TMEM117: variants seen among roughly 807,000 people sequenced by gnomAD.
TMEM117 encodes transmembrane protein 117.
In TMEM117, 27 loss-of-function variants were observed where a neutral mutation model predicts 52.4. The observed-to-expected ratio is 0.51, with a 90% confidence interval of 0.38 to 0.71. The LOEUF (loss-of-function observed/expected upper bound fraction) is 0.71. Among genes scored for constraint, TMEM117 ranks in the 30% least tolerant of loss-of-function variants. The probability of loss-of-function intolerance (pLI) is 0.00; values close to 1 mark genes in which losing one functional copy is unlikely to be tolerated. For missense variants in TMEM117, 556 were observed against 630.5 expected (o/e 0.88, Z 1.26); for synonymous variants, 215 against 206.3 (o/e 1.04, Z -0.36).
intron 5 of TMEM117, among the ~76,000 whole-genome samples, chr12:44,275,768 T>G (rs576457835): frequency 6.6e-6 from 1 of 151,250 alleles, no homozygotes; most frequent in East Asian, 1.9e-4. Flanking sequence ...CTCATGGACA[T>G]AGAGAGTAGA....
At chr12:43,964,278 C>G (rs1187747680) in intron 3 of TMEM117, among the ~76,000 whole-genome samples, 1 of 152,014 alleles carries the variant, frequency 6.6e-6, no homozygotes, top group African/African-American at 2.4e-5. Context: ...TTGGCTCCAC[C>G]CAAGCACAAG....
chr12:44,044,546 G>C (rs944408531), intron 3 of TMEM117, among the ~76,000 whole-genome samples: 1 of 152,192 alleles, frequency 6.6e-6, no homozygotes, highest in South Asian at 2.1e-4. Flanking sequence ...GCACAAGTAA[G>C]TTACATGAGG....
chr12:43,935,666 C>T (rs1944940431), intron 2 of TMEM117, among the ~76,000 whole-genome samples: 1 of 152,188 alleles, frequency 6.6e-6, no homozygotes, highest in Admixed American at 6.5e-5. Context: ...TCTTAAAAGT[C>T]ATGTAATCCA....
chr12:44,154,465 A>G (rs989567300), intron 4 of TMEM117, among the ~76,000 whole-genome samples: 1 of 152,076 alleles, frequency 6.6e-6, no homozygotes, highest in African/African-American at 2.4e-5. Flanking sequence ...ATCTGTTTTC[A>G]TTGAAAGAAC....
At chr12:44,367,115 C>A (rs1161738008) in intron 6 of TMEM117, among the ~76,000 whole-genome samples, 2 of 152,136 alleles carry the variant, frequency 1.3e-5, no homozygotes, top group East Asian at 3.9e-4. Flanking sequence ...TTTATGCTAA[C>A]AAAATTATTT....
At chr12:43,952,835 G>T (rs140389097) in intron 3 of TMEM117, among the ~76,000 whole-genome samples, 1 of 152,038 alleles carries the variant, frequency 6.6e-6, no homozygotes, top group East Asian at 1.9e-4. Flanking sequence ...TCCAAGACAC[G>T]TAATCACCAG....
At chr12:44,090,773 A>AT (rs1947653483) in intron 3 of TMEM117, among the ~76,000 whole-genome samples, 1 of 149,840 alleles carries the variant, frequency 6.7e-6, no homozygotes, top group South Asian at 2.1e-4. Flanking sequence ...AAAACACTTA[A>AT]TTCCTCTTTA....
chr12:44,398,653 G>T, the TMEM117 span, among the ~76,000 whole-genome samples: 1 of 152,174 alleles, frequency 6.6e-6, no homozygotes, highest in Admixed American at 6.5e-5. Flanking sequence ...AGGCCTAACT[G>T]CTGGGGGCAG....
intron 4 of TMEM117, among the ~76,000 whole-genome samples, chr12:44,155,620 G>A (rs1948815167): frequency 6.6e-6 from 1 of 152,048 alleles, no homozygotes; most frequent in South Asian, 2.1e-4. Flanking sequence ...TCAAGGCCAG[G>A]CTCATCTAGT....
chr12:43,903,080 A>ATTT (rs1431731065), intron 2 of TMEM117, among the ~76,000 whole-genome samples: 1 of 152,102 alleles, frequency 6.6e-6, no homozygotes, highest in African/African-American at 2.4e-5. Context: ...AATTTACTTG[A>ATTT]TTTTCTAGAG....
chr12:44,056,076 T>G (rs1947050069), intron 3 of TMEM117, among the ~76,000 whole-genome samples: 1 of 152,010 alleles, frequency 6.6e-6, no homozygotes, highest in Non-Finnish European at 1.5e-5. Flanking sequence ...ACATCTATAT[T>G]TAACAGTTTT....
chr12:43,830,092 A>C, the TMEM117 span, among the ~76,000 whole-genome samples: 3 of 151,108 alleles, frequency 2.0e-5, no homozygotes, highest in Non-Finnish European at 4.4e-5. Flanking sequence ...TGTCTCAAAA[A>C]AAAAAAAAAA....
chr12:43,927,873 T>A (rs574009574), intron 2 of TMEM117, among the ~76,000 whole-genome samples: 33 of 152,190 alleles, frequency 2.2e-4, no homozygotes, highest in Admixed American at 1.4e-3. Flanking sequence ...CTAACAATTA[T>A]TGTCTTTTAA....
At chr12:44,310,411 G>A (rs188435238) in intron 6 of TMEM117, among the ~76,000 whole-genome samples, 6 of 152,298 alleles carry the variant, frequency 3.9e-5, no homozygotes, top group Non-Finnish European at 7.4e-5. Flanking sequence ...GGCCGAGGCG[G>A]GTGGATCACC....
intron 6 of TMEM117, among the ~76,000 whole-genome samples, chr12:44,322,767 T>C (rs78255834): frequency 0.048 from 7,319 of 152,108 alleles, 364 homozygotes; most frequent in African/African-American, 0.12. Flanking sequence ...CTCACACCAA[T>C]AGTGACTGGA....
intron 3 of TMEM117, among the ~76,000 whole-genome samples, chr12:44,006,337 C>T (rs1203204850): frequency 1.3e-5 from 2 of 152,140 alleles, no homozygotes; most frequent in African/African-American, 4.8e-5. Context: ...TTCAGACATT[C>T]CCTTGCTACT....
chr12:43,955,730 T>A (rs1157569197), intron 3 of TMEM117, among the ~76,000 whole-genome samples: 1 of 152,190 alleles, frequency 6.6e-6, no homozygotes, highest in African/African-American at 2.4e-5. Flanking sequence ...AATTTATAGA[T>A]TTAATGCTAT....
chr12:44,164,289 G>T (rs1948935949), intron 4 of TMEM117, among the ~76,000 whole-genome samples: 1 of 151,862 alleles, frequency 6.6e-6, no homozygotes, highest in Non-Finnish European at 1.5e-5. Context: ...GTGATTTCTG[G>T]ATTTTGGTGC....
intron 2 of TMEM117, among the ~76,000 whole-genome samples, chr12:43,915,676 C>T (rs1434019316): frequency 6.6e-6 from 1 of 150,456 alleles, no homozygotes; most frequent in Admixed American, 6.6e-5. Context: ...ATAGAGAAGG[C>T]TTGTTTCTAT....
Sources: gnomAD v4.1 joint callset for allele counts (sites outside exome capture counted in the v4.1 genomes callset) on GRCh38, gnomAD v4.1.1 for gene constraint, MANE v1.5 for transcripts, NCBI Gene and HGNC (gene_info 2026-07-23, HGNC 2026-07-21) for gene names.